Variants in GRM7 observed in about 807,000 individuals in gnomAD.
The protein encoded by GRM7 is glutamate metabotropic receptor 7, also known as metabotropic glutamate receptor 7.
In GRM7, 35 loss-of-function variants were observed where a neutral mutation model predicts 84.5. The observed-to-expected ratio is 0.41, with a 90% CI of 0.32 to 0.55. GRM7 has a LOEUF of 0.55. Among genes scored for constraint, GRM7 ranks in the 20% least tolerant of loss-of-function variants. GRM7 has a pLI of 0.19. For synonymous variants in GRM7, 487 were observed against 455.1 expected (o/e 1.07, Z -0.89); for missense variants, 1,003 against 1,194.6 (o/e 0.84, Z 2.36).
intron 1 of GRM7, among the ~76,000 whole-genome samples, chr3:7,101,097 A>T (rs1359543069): frequency 1.3e-5 from 2 of 151,690 alleles, no homozygotes; most frequent in South Asian, 4.1e-4. Flanking sequence ...ATATGTTTTC[A>T]TTTTTCTGGG....
At chr3:7,128,887 G>C (rs959961551) in intron 1 of GRM7, among the ~76,000 whole-genome samples, 1 of 152,054 alleles carries the variant, frequency 6.6e-6, no homozygotes, top group African/African-American at 2.4e-5. Context: ...TGGCAGAAAA[G>C]AGCACAGGAA....
At chr3:7,525,512 C>G (rs1198396826) in intron 7 of GRM7, among the ~76,000 whole-genome samples, 1 of 151,962 alleles carries the variant, frequency 6.6e-6, no homozygotes, top group Non-Finnish European at 1.5e-5. Flanking sequence ...CATCACAGAG[C>G]CTGGCTGGGA....
At chr3:7,531,364 G>A (rs368937405) in intron 7 of GRM7, among the ~76,000 whole-genome samples, 7 of 151,120 alleles carry the variant, frequency 4.6e-5, no homozygotes, top group Non-Finnish European at 8.9e-5. Context: ...GTATATTAGC[G>A]GGATGGGGAT....
intron 2 of GRM7, among the ~76,000 whole-genome samples, chr3:7,163,051 T>G (rs1312767836): frequency 6.6e-6 from 1 of 151,750 alleles, no homozygotes; most frequent in Non-Finnish European, 1.5e-5. Context: ...TGAGCCACCA[T>G]GCCCAGCCTA....
At chr3:6,986,221 A>G (rs1694404989) in intron 1 of GRM7, among the ~76,000 whole-genome samples, 1 of 152,330 alleles carries the variant, frequency 6.6e-6, no homozygotes, top group East Asian at 1.9e-4. Flanking sequence ...AATAAAAATG[A>G]AAAAACCCAA....
chr3:7,098,922 T>C lies in GRM7; in HGVS notation c.520-47530T>C, dbSNP rs548320119. Among the ~76,000 whole-genome samples the C allele has an allele frequency of 6.6e-5, 10 of 152,088 alleles. 1 individual carries two copies. In the South Asian group the frequency reaches 1.9e-3, roughly 28 times the overall value. On this transcript the variant is annotated intron_variant, in intron 1 of 9. Coordinates refer to ENST00000357716, the MANE Select transcript of GRM7 (RefSeq NM_000844.4). Reference sequence around the variant, plus strand: ...GAGAAATAATATATATGCACAAGCATACTTTAGTGGCTATCAAATATGCTC... The same window carrying C: ...GAGAAATAATATATATGCACAAGCACACTTTAGTGGCTATCAAATATGCTC...
intron 1 of GRM7, among the ~76,000 whole-genome samples, chr3:6,952,953 A>T (rs906001523): frequency 6.6e-6 from 1 of 152,232 alleles, no homozygotes; most frequent in Non-Finnish European, 1.5e-5. Flanking sequence ...TGGATAGTTG[A>T]CTGCACAATA....
At chr3:7,233,851 A>G (rs1202178309) in intron 2 of GRM7, among the ~76,000 whole-genome samples, 2 of 152,082 alleles carry the variant, frequency 1.3e-5, no homozygotes, top group Admixed American at 6.6e-5. Context: ...CCCCTCCCCA[A>G]CTTTTGCTTT....
chr3:6,902,249 C>A (rs1696414452), intron 1 of GRM7, among the ~76,000 whole-genome samples: 1 of 152,126 alleles, frequency 6.6e-6, no homozygotes, highest in Non-Finnish European at 1.5e-5. Context: ...GTTTTGTCTT[C>A]TGGCAAAAAA....
Position 7,680,192 on chromosome 3 carries a change from G to T in GRM7, c.2595G>T (p.Ala865=), listed in dbSNP as rs150447178. Residue 865 remains alanine (A), a synonymous_variant, in exon 9 of 10, where the codon GCG becomes GCT. Transcript: ENST00000357716. ...AGAAACGGAAGCGAAGCTTCAAGGC[G>T]GTAGTCACAGCAGCCACCATGTCAT... The part of the protein sequence containing the change: ...NVQKRKRSFK[A]VVTAATMSSR... 2.5e-6 allele frequency: 4 copies of T among 1,614,140 alleles called. No individual in the cohort carries two copies. In the Admixed American group the frequency reaches 5.0e-5, roughly 20 times the overall value.
chr3:7,495,167 C>A (rs548121393), intron 7 of GRM7, among the ~76,000 whole-genome samples: 1 of 152,230 alleles, frequency 6.6e-6, no homozygotes, highest in Admixed American at 6.5e-5. Context: ...TTTCTGGAGT[C>A]TTTGCAGAGC....
At chr3:7,081,029 A>C (rs1032674) in intron 1 of GRM7, among the ~76,000 whole-genome samples, 87,543 of 151,874 alleles carry the variant, frequency 0.58, 27,210 homozygotes, top group African/African-American at 0.83. Flanking sequence ...TTAAATAACG[A>C]AGATATAAGT....
rs73027707 is a variant in GRM7, at chr3:7,015,750, A to G, written c.520-130702A>G. Among the ~76,000 whole-genome samples the G allele has an allele frequency of 9.1e-3, 1,392 of 152,288 alleles. 14 individuals are homozygous for G. Among genetic ancestry groups the G allele is most frequent in the Non-Finnish European group, 0.012 (824 of 68,026 alleles). ...CTTTCCCTGCCAGCTGTTCTTTGAC[A>G]GGTGAACCACTGCATAGGAATGCTT... On this transcript the variant is annotated intron_variant, in intron 1 of 9. Coordinates refer to ENST00000357716, the MANE Select transcript of GRM7 (RefSeq NM_000844.4).
chr3:7,597,317 G>C (rs986610700), intron 8 of GRM7, among the ~76,000 whole-genome samples: 16 of 152,106 alleles, frequency 1.1e-4, no homozygotes, highest in Admixed American at 3.3e-4. Context: ...AGCCATGAGG[G>C]ATCTGCCTCT....
At position 7,010,570 on chromosome 3, in the gene GRM7, G is replaced by C. The variant is rs142332933; in HGVS notation, c.520-135882G>C. On this transcript the variant is annotated intron_variant, in intron 1 of 9. Coordinates refer to ENST00000357716, the MANE Select transcript of GRM7 (RefSeq NM_000844.4). ...TGGGGACAGTGAAAGATAAACAACC[G>C]AATCAGATATTGAGGGTGATAAGAC... is the stretch of plus-strand genomic sequence containing the variant. 4.9e-4 allele frequency among the ~76,000 whole-genome samples: 74 copies of C among 152,318 alleles called. 1 individual carries two copies. Among genetic ancestry groups the C allele is most frequent in the African/African-American group, 1.7e-3 (72 of 41,570 alleles).
At chr3:7,503,413 G>A (rs1699943345) in intron 7 of GRM7, among the ~76,000 whole-genome samples, 1 of 151,766 alleles carries the variant, frequency 6.6e-6, no homozygotes, top group African/African-American at 2.4e-5. Flanking sequence ...CACTTTCTCA[G>A]GATTTGCCTG....
At chr3:7,416,564 G>T (rs1027498578) in intron 5 of GRM7, among the ~76,000 whole-genome samples, 2 of 152,088 alleles carry the variant, frequency 1.3e-5, no homozygotes, top group African/African-American at 4.8e-5. Flanking sequence ...GTGCTTAAAT[G>T]TAGTCTCAAG....
chr3:7,021,776 CCTAT>C (rs1400040502), intron 1 of GRM7, among the ~76,000 whole-genome samples: 4 of 152,148 alleles, frequency 2.6e-5, no homozygotes, highest in Non-Finnish European at 4.4e-5. Context: ...TATGCATTTG[CCTAT>C]TTATCTGACA....
At chr3:7,235,393 G>A (rs973843204) in intron 2 of GRM7, among the ~76,000 whole-genome samples, 1 of 152,178 alleles carries the variant, frequency 6.6e-6, no homozygotes, top group Non-Finnish European at 1.5e-5. Context: ...TAAGCATCTC[G>A]GAAAAGATCT....
Sources: allele counts gnomAD v4.1 joint callset (sites outside exome capture counted in the v4.1 genomes callset), GRCh38; gene constraint gnomAD v4.1.1; transcripts MANE v1.5; gene names NCBI Gene and HGNC (gene_info 2026-07-23, HGNC 2026-07-21).